The following DOCK4 variants were observed in gnomAD, a reference collection of about 807,000 sequenced individuals.
The protein encoded by DOCK4 is dedicator of cytokinesis 4.
DOCK4 carries 97 observed loss-of-function variants against 268.1 expected under a neutral mutation model. The observed-to-expected ratio is 0.36, with a 90% CI of 0.31 to 0.43. The LOEUF is 0.43. DOCK4 is among the 20% of genes least tolerant of loss of function. DOCK4 has a pLI of 1.00. For missense variants in DOCK4, 2,145 were observed against 2,455.7 expected (o/e 0.87, Z 2.67); for synonymous variants, 954 against 887.2 (o/e 1.08, Z -1.34).
chr7:112,187,483 T>G (rs1367334748), intron 1 of DOCK4, among the ~76,000 whole-genome samples: 1 of 152,200 alleles, frequency 6.6e-6, no homozygotes, highest in Non-Finnish European at 1.5e-5. Flanking sequence ...AGAATAAAAA[T>G]GAAGGAACAC....
At chr7:112,075,474 G>A (rs917798190) in intron 1 of DOCK4, among the ~76,000 whole-genome samples, 2 of 152,112 alleles carry the variant, frequency 1.3e-5, no homozygotes, top group Admixed American at 1.3e-4. Flanking sequence ...GTTAGAAACC[G>A]TAACACTATG....
intron 12 of DOCK4, 130 bp downstream of exon 12, chr7:111,935,410 A>T (rs1794655053): frequency 2.6e-6 from 2 of 769,982 alleles, no homozygotes; most frequent in Non-Finnish European, 2.3e-6. Flanking sequence ...ATGTTCATTG[A>T]GCATTTTTAA....
chr7:111,917,822 C>T (rs893399877), intron 12 of DOCK4, among the ~76,000 whole-genome samples: 2 of 152,070 alleles, frequency 1.3e-5, no homozygotes, highest in Non-Finnish European at 1.5e-5. Flanking sequence ...CAATAATGCA[C>T]AGATCATGTG....
In DOCK4 at chr7:112,018,179, A is replaced by AAAAACACAC; in HGVS notation, c.38-14049_38-14048insGTGTGTTTT. ...AAAAAAAAAAAAAAAAAAAAAAAAA[A>AAAAACACAC]ACACAGGCAACCAGTATTCATGTGG... On this transcript the variant is annotated intron_variant, in intron 1 of 52. Coordinates refer to ENST00000428084, the MANE Select transcript of DOCK4 (RefSeq NM_001363540.2). Among the ~76,000 whole-genome samples the AAAAACACAC allele has an allele frequency of 1.5e-4, 11 of 72,630 alleles. 4 individuals are homozygous for AAAAACACAC. The highest frequency in any genetic ancestry group is 4.4e-4 in the South Asian group (1 of 2,262). The allele number at this position is 72,630 out of a possible 152,430, so 47.6% of individuals were successfully genotyped here.
At chr7:111,767,567 A>G (rs7778607) in intron 37 of DOCK4, among the ~76,000 whole-genome samples, 11,969 of 152,186 alleles carry the variant, frequency 0.079, 1,506 homozygotes, top group African/African-American at 0.26. Flanking sequence ...TCAAGCTTGA[A>G]AACACCATGT....
intron 23 of DOCK4, among the ~76,000 whole-genome samples, chr7:111,850,407 C>T (rs568024624): frequency 6.6e-6 from 1 of 152,146 alleles, no homozygotes; most frequent in South Asian, 2.1e-4. Context: ...AAATTCAGCC[C>T]AATCTTTCTC....
chr7:111,739,526 A>G (rs2074115), intron 47 of DOCK4, 49 bp from the exon 48 acceptor site: 1,009,079 of 1,479,026 alleles, frequency 0.68, 348,441 homozygotes, highest in Non-Finnish European at 0.72. Flanking sequence ...AAGGCTTCCC[A>G]CGACACTGAC....
intron 1 of DOCK4, among the ~76,000 whole-genome samples, chr7:112,193,327 C>T (rs1000171101): frequency 6.6e-6 from 1 of 152,060 alleles, no homozygotes; most frequent in African/African-American, 2.4e-5. Context: ...TGGGTGCAGT[C>T]GTTTATACTT....
chr7:112,203,826 TACACAC>T (rs3056587), intron 1 of DOCK4, among the ~76,000 whole-genome samples: 93,231 of 146,826 alleles, frequency 0.63, 31,141 homozygotes, highest in Non-Finnish European at 0.75. Context: ...AAAATTTCAC[TACACAC>T]ACACACACAC....
At chr7:111,788,586 C>T in intron 32 of DOCK4, 76 bp downstream of exon 32, 2 of 1,216,502 alleles carry the variant, frequency 1.6e-6, no homozygotes, top group East Asian at 2.5e-5. Flanking sequence ...CTCTCAGCTA[C>T]CGTGGTGCAG....
intron 1 of DOCK4, among the ~76,000 whole-genome samples, chr7:112,170,973 C>T (rs1818035341): frequency 6.6e-6 from 1 of 152,136 alleles, no homozygotes; most frequent in African/African-American, 2.4e-5. Context: ...TCTCTCAAAT[C>T]ACAACACACA....
chr7:111,871,320 A>G (rs1806413774), intron 20 of DOCK4, among the ~76,000 whole-genome samples: 1 of 152,200 alleles, frequency 6.6e-6, no homozygotes, highest in Non-Finnish European at 1.5e-5. Flanking sequence ...ACTAAAAGAG[A>G]GAAGCTGTGG....
At chr7:112,065,385 T>C (rs1363598800) in intron 1 of DOCK4, among the ~76,000 whole-genome samples, 2 of 152,018 alleles carry the variant, frequency 1.3e-5, no homozygotes, top group African/African-American at 2.4e-5. Flanking sequence ...CTGACCACCG[T>C]AGCGAAAGTT....
At chr7:112,078,148 G>A (rs74653302) in intron 1 of DOCK4, among the ~76,000 whole-genome samples, 2 of 152,090 alleles carry the variant, frequency 1.3e-5, no homozygotes, top group African/African-American at 4.8e-5. Flanking sequence ...TAAAATTTTA[G>A]AACTATCAGG....
At chr7:112,112,174 C>A (rs764150253) in intron 1 of DOCK4, among the ~76,000 whole-genome samples, 3 of 152,084 alleles carry the variant, frequency 2.0e-5, no homozygotes, top group Non-Finnish European at 4.4e-5. Context: ...TGGGTCATGG[C>A]GGCAGATCCT....
In DOCK4 at chr7:111,974,491, G is replaced by GGT. The variant is rs1562952095; in HGVS notation, c.701+2640_701+2641insAC. 3.4e-4 allele frequency among the ~76,000 whole-genome samples: 31 copies of GGT among 90,440 alleles called. 2 individuals are homozygous for GGT. In the South Asian group the frequency reaches 6.6e-3, roughly 19 times the overall value. 59.3% of individuals were successfully genotyped at this position (90,440 alleles called of 152,430 possible). ...CAGATCAGGTGGCATATTGAAGAGG[G>GGT]ATGTGTGTGTGTGTGTGTGTGTGTG... On this transcript the variant is annotated intron_variant, in intron 8 of 52. Coordinates refer to ENST00000428084, the MANE Select transcript of DOCK4 (RefSeq NM_001363540.2).
chr7:111,974,512 G>A (rs1012949315), intron 8 of DOCK4, among the ~76,000 whole-genome samples: 12 of 147,118 alleles, frequency 8.2e-5, no homozygotes, highest in African/African-American at 3.0e-4. Flanking sequence ...GTGTGTGTGT[G>A]TGTGTGTGTG....
intron 1 of DOCK4, among the ~76,000 whole-genome samples, chr7:112,164,519 G>C (rs567848478): frequency 3.0e-4 from 46 of 152,140 alleles, no homozygotes; most frequent in Non-Finnish European, 5.4e-4. Flanking sequence ...TCTGTGCCAG[G>C]AACTATACTA....
intron 1 of DOCK4, among the ~76,000 whole-genome samples, chr7:112,154,305 A>G (rs564530518): frequency 5.3e-5 from 8 of 152,280 alleles, no homozygotes; most frequent in Non-Finnish European, 1.2e-4. Flanking sequence ...GATGAAAAGA[A>G]TAAGTAATCT....
Sources: gnomAD v4.1 joint callset for allele counts (sites outside exome capture counted in the v4.1 genomes callset) on GRCh38, gnomAD v4.1.1 for gene constraint, MANE v1.5 for transcripts, NCBI Gene and HGNC (gene_info 2026-07-23, HGNC 2026-07-21) for gene names.